The following SKAP2 variants were observed in gnomAD, a reference collection of about 807,000 sequenced individuals.
The protein encoded by SKAP2 is src kinase associated phosphoprotein 2.
Under a neutral mutation model 54.9 loss-of-function variants are expected in SKAP2, and 28 were observed. The observed-to-expected ratio is 0.51, with a 90% CI of 0.38 to 0.70. SKAP2 has a LOEUF of 0.70. Ranked by LOEUF, SKAP2 falls within the 30% of genes least tolerant of loss-of-function variation. The pLI is 0.00. For missense variants in SKAP2, 356 were observed against 424.1 expected (o/e 0.84, Z 1.41); for synonymous variants, 137 against 134.3 (o/e 1.02, Z -0.14).
chr7:26,767,381 A>G (rs942760581), intron 4 of SKAP2, among the ~76,000 whole-genome samples: 5 of 151,968 alleles, frequency 3.3e-5, no homozygotes, highest in Non-Finnish European at 5.9e-5. Flanking sequence ...TTGTCTGGCA[A>G]GTGGTCTGTT....
chr7:26,803,319 C>A (rs770670834), intron 4 of SKAP2, among the ~76,000 whole-genome samples: 1 of 152,156 alleles, frequency 6.6e-6, no homozygotes, highest in African/African-American at 2.4e-5. Flanking sequence ...AACCTTTGAA[C>A]AGACATTTCT....
At chr7:26,676,443 T>C (rs560559295) in intron 11 of SKAP2, among the ~76,000 whole-genome samples, 1 of 152,262 alleles carries the variant, frequency 6.6e-6, no homozygotes, top group East Asian at 1.9e-4. Context: ...GAAACACCAT[T>C]GTCTTTGGAG....
intron 4 of SKAP2, among the ~76,000 whole-genome samples, chr7:26,791,898 C>T (rs1056977947): frequency 1.3e-5 from 2 of 152,174 alleles, no homozygotes; most frequent in African/African-American, 2.4e-5. Flanking sequence ...TACACCAACA[C>T]TTACAGTAGT....
At chr7:26,743,887 A>G (rs1447340917) in intron 4 of SKAP2, among the ~76,000 whole-genome samples, 1 of 152,204 alleles carries the variant, frequency 6.6e-6, no homozygotes, top group Non-Finnish European at 1.5e-5. Flanking sequence ...AGTGAAATCC[A>G]AATTTCCCTA....
chr7:26,679,850 A>G (rs563636810), intron 11 of SKAP2, among the ~76,000 whole-genome samples: 1 of 152,216 alleles, frequency 6.6e-6, no homozygotes, highest in African/African-American at 2.4e-5. Context: ...ACAATTCACC[A>G]ATCACTGGAA....
chr7:26,690,263 A>G (rs760557345), intron 10 of SKAP2, 22 bp downstream of exon 10: 1 of 1,526,660 alleles, frequency 6.6e-7, no homozygotes, highest in Non-Finnish European at 9.1e-7. Context: ...AAGGTTTGCC[A>G]AGAAGCTACA....
At chr7:26,801,849 G>A (rs1467971698) in intron 4 of SKAP2, among the ~76,000 whole-genome samples, 1 of 152,076 alleles carries the variant, frequency 6.6e-6, no homozygotes, top group Non-Finnish European at 1.5e-5. Flanking sequence ...AAAGAAAATT[G>A]AAGATGACAC....
At chr7:26,793,969 G>A (rs985778407) in intron 4 of SKAP2, among the ~76,000 whole-genome samples, 2 of 152,186 alleles carry the variant, frequency 1.3e-5, no homozygotes, top group Non-Finnish European at 1.5e-5. Flanking sequence ...GCCAGAGTAA[G>A]GAGTTGGTTA....
intron 6 of SKAP2, among the ~76,000 whole-genome samples, chr7:26,737,254 T>C (rs973264255): frequency 2.0e-5 from 3 of 152,214 alleles, no homozygotes; most frequent in African/African-American, 7.2e-5. Context: ...TTCTATGATC[T>C]GTGATAATCG....
intron 6 of SKAP2, among the ~76,000 whole-genome samples, chr7:26,735,123 C>T (rs1385601504): frequency 6.6e-6 from 1 of 152,160 alleles, no homozygotes; most frequent in African/African-American, 2.4e-5. Context: ...TTCCCTCTCT[C>T]ACTGATATCC....
At chr7:26,692,442 T>C (rs1341547634) in intron 9 of SKAP2, among the ~76,000 whole-genome samples, 4 of 152,154 alleles carry the variant, frequency 2.6e-5, no homozygotes, top group Non-Finnish European at 4.4e-5. Flanking sequence ...CTGAAAATGT[T>C]AAATGGGGAT....
intron 4 of SKAP2, among the ~76,000 whole-genome samples, chr7:26,843,580 T>A (rs986539894): frequency 6.6e-6 from 1 of 152,000 alleles, no homozygotes; most frequent in Non-Finnish European, 1.5e-5. Flanking sequence ...TAAAAACCTG[T>A]CTCAGTGTGA....
chr7:26,841,191 T>G (rs1366481399), intron 4 of SKAP2, among the ~76,000 whole-genome samples: 1 of 152,038 alleles, frequency 6.6e-6, no homozygotes, highest in Non-Finnish European at 1.5e-5. Context: ...TACTCTAGTC[T>G]CTCATTGAAA....
intron 4 of SKAP2, among the ~76,000 whole-genome samples, chr7:26,794,162 A>G (rs931851194): frequency 2.0e-5 from 3 of 152,246 alleles, no homozygotes; most frequent in African/African-American, 7.2e-5. Flanking sequence ...ATATTTTTAA[A>G]TATGAGATGT....
chr7:26,759,132 TG>T (rs1782867734), intron 4 of SKAP2, among the ~76,000 whole-genome samples: 4 of 152,158 alleles, frequency 2.6e-5, no homozygotes, highest in Admixed American at 2.6e-4. Flanking sequence ...AAATTCCACC[TG>T]GGGAAATGAA....
chr7:26,801,061 A>T (rs189505113), intron 4 of SKAP2, among the ~76,000 whole-genome samples: 159 of 152,308 alleles, frequency 1.0e-3, no homozygotes, highest in Non-Finnish European at 1.9e-3. Flanking sequence ...AAGAAAAAAA[A>T]ATATAGGCCA....
rs1404432067 is a variant in SKAP2, at chr7:26,710,134, C to T, written c.796+15294G>A. The stretch of plus-strand genomic sequence containing the variant: ...GACCCCTTTAACTAAAGACTTTGCA[C>T]TATTCAGGTATTATTTATTGAATTC... On this transcript the variant is annotated intron_variant, in intron 9 of 12. Coordinates refer to ENST00000345317, the MANE Select transcript of SKAP2 (RefSeq NM_003930.5). Among the ~76,000 whole-genome samples the T allele has an allele frequency of 4.6e-5, 7 of 152,244 alleles. No individual in the cohort carries two copies. In the East Asian group the frequency reaches 1.4e-3, roughly 29 times the overall value.
Position 26,719,529 on chromosome 7 carries a change from C to T in SKAP2, c.796+5899G>A, listed in dbSNP as rs576300786. 6.6e-5 allele frequency among the ~76,000 whole-genome samples: 10 copies of T among 152,314 alleles called. No homozygotes were observed. The South Asian group carries it at 1.2e-3, about 19-fold the overall frequency. On this transcript the variant is annotated intron_variant, in intron 9 of 12. Transcript: ENST00000345317. ...ACAGACAGTCCAATCCCACACCCAC[C>T]GGTCTTTTCCTTCAGCCTCAAAAGA...
At chr7:26,739,101 AC>A (rs1315975444) in intron 5 of SKAP2, among the ~76,000 whole-genome samples, 1 of 152,212 alleles carries the variant, frequency 6.6e-6, no homozygotes, top group Non-Finnish European at 1.5e-5. Flanking sequence ...AGCATGGCTA[AC>A]AAAGTTTTCT....
Sources: gnomAD v4.1 joint callset for allele counts (sites outside exome capture counted in the v4.1 genomes callset) on GRCh38, gnomAD v4.1.1 for gene constraint, MANE v1.5 for transcripts, NCBI Gene and HGNC (gene_info 2026-07-23, HGNC 2026-07-21) for gene names.